The following SCAPER variants were observed in gnomAD, a reference collection of about 807,000 sequenced individuals.
The protein encoded by SCAPER is S-phase cyclin A associated protein in the ER.
SCAPER carries 98 observed loss-of-function variants against 182.2 expected under a neutral mutation model. That is an observed-to-expected ratio of 0.54 (90% CI 0.46 to 0.64). The LOEUF is 0.64. SCAPER is among the 30% of genes least tolerant of loss of function. The pLI is 0.00. For synonymous variants in SCAPER, 605 were observed against 564.6 expected (o/e 1.07, Z -1.01); for missense variants, 1,432 against 1,690.0 (o/e 0.85, Z 2.68).
intron 22 of SCAPER, among the ~76,000 whole-genome samples, chr15:76,585,435 T>C (rs551656152): frequency 1.3e-5 from 2 of 152,312 alleles, no homozygotes; most frequent in East Asian, 1.9e-4. Context: ...TGGAAGATTA[T>C]TGGCAGTGAA....
chr15:76,605,598 G>C (rs1180241011), intron 22 of SCAPER, among the ~76,000 whole-genome samples: 3 of 152,182 alleles, frequency 2.0e-5, no homozygotes, highest in Non-Finnish European at 1.5e-5. Context: ...AGAAGGAATG[G>C]TAGCAGCTCC....
chr15:76,748,607 G>A (rs1348334997), intron 15 of SCAPER, among the ~76,000 whole-genome samples: 1 of 150,532 alleles, frequency 6.6e-6, no homozygotes, highest in African/African-American at 2.5e-5. Context: ...AGTTTCATAA[G>A]GATCTAGTAT....
intron 17 of SCAPER, among the ~76,000 whole-genome samples, chr15:76,713,254 T>A (rs1341428300): frequency 6.6e-6 from 1 of 151,964 alleles, no homozygotes; most frequent in Non-Finnish European, 1.5e-5. Flanking sequence ...AGAAATACCA[T>A]TTGACCCAGC....
chr15:76,567,483 T>C (rs568066046), intron 23 of SCAPER: 134 of 337,336 alleles, frequency 4.0e-4, no homozygotes, highest in Admixed American at 9.5e-4. Flanking sequence ...TAGGCTCAAC[T>C]TATGTTATCA....
intron 17 of SCAPER, among the ~76,000 whole-genome samples, chr15:76,718,246 C>T (rs572544512): frequency 6.6e-6 from 1 of 152,164 alleles, no homozygotes; most frequent in South Asian, 2.1e-4. Context: ...AAACGCAACA[C>T]AGCAAAATCT....
At chr15:76,433,956 C>T in intron 26 of SCAPER, 122 bp downstream of exon 26, 1 of 755,938 alleles carries the variant, frequency 1.3e-6, no homozygotes, top group Non-Finnish European at 2.1e-6. Flanking sequence ...TTGGTATTCT[C>T]TACCAGGAAT....
At chr15:76,523,140 C>CTA (rs1880042547) in intron 23 of SCAPER, among the ~76,000 whole-genome samples, 1 of 151,766 alleles carries the variant, frequency 6.6e-6, no homozygotes, top group Admixed American at 6.6e-5. Flanking sequence ...TTGCTTTAAC[C>CTA]AATCATGATA....
chr15:76,672,574 T>A (rs763203860), intron 20 of SCAPER, among the ~76,000 whole-genome samples: 3 of 151,582 alleles, frequency 2.0e-5, no homozygotes, highest in African/African-American at 7.3e-5. Flanking sequence ...ATTTAAGGAA[T>A]AAAAACAAAA....
At chr15:76,625,889 T>C (rs2052527764) in intron 21 of SCAPER, among the ~76,000 whole-genome samples, 4 of 152,064 alleles carry the variant, frequency 2.6e-5, no homozygotes, top group Admixed American at 2.6e-4. Flanking sequence ...TATCTGGCTT[T>C]AGGTCAGGGT....
chr15:76,349,730 A>T (rs1267766239), intron 31 of SCAPER: 2 of 151,934 alleles, frequency 1.3e-5, no homozygotes, highest in Non-Finnish European at 2.9e-5. Context: ...CAAAGGAGAG[A>T]CCAATTCCCC....
intron 21 of SCAPER, among the ~76,000 whole-genome samples, chr15:76,654,213 T>G (rs1343870340): frequency 8.5e-5 from 13 of 152,052 alleles, no homozygotes; most frequent in Non-Finnish European, 1.6e-4. Flanking sequence ...CCATCCTGGC[T>G]AACACGGTAA....
At chr15:76,619,108 G>T (rs1372670307) in intron 22 of SCAPER, among the ~76,000 whole-genome samples, 1 of 152,200 alleles carries the variant, frequency 6.6e-6, no homozygotes, top group Non-Finnish European at 1.5e-5. Context: ...CATTCCCAAA[G>T]TGCTGGGATT....
chr15:76,887,165 A>T (rs1475425172), intron 1 of SCAPER, among the ~76,000 whole-genome samples: 1 of 152,220 alleles, frequency 6.6e-6, no homozygotes, highest in Non-Finnish European at 1.5e-5. Context: ...AAAGTTTCAA[A>T]AAAAGAAAGT....
intron 17 of SCAPER, among the ~76,000 whole-genome samples, chr15:76,722,802 T>C (rs1304405780): frequency 6.6e-6 from 1 of 152,190 alleles, no homozygotes; most frequent in African/African-American, 2.4e-5. Context: ...ATTATGCCTA[T>C]TTGATTCTTC....
intron 17 of SCAPER, among the ~76,000 whole-genome samples, chr15:76,717,868 G>A (rs1000913940): frequency 6.6e-6 from 1 of 152,050 alleles, no homozygotes; most frequent in Non-Finnish European, 1.5e-5. Flanking sequence ...ATACCCCACT[G>A]TCAACAATAG....
chr15:76,625,379 G>A (rs1030634344), intron 21 of SCAPER, among the ~76,000 whole-genome samples: 1 of 152,156 alleles, frequency 6.6e-6, no homozygotes, highest in South Asian at 2.1e-4. Flanking sequence ...CAGGTTCAGC[G>A]GCCCACAGGG....
chr15:76,752,715 G>A (rs2062167156), intron 15 of SCAPER, among the ~76,000 whole-genome samples: 1 of 151,648 alleles, frequency 6.6e-6, no homozygotes, highest in African/African-American at 2.4e-5. Context: ...GATTGCCAGG[G>A]GCTGGGGGTG....
At chr15:76,729,075 C>G (rs1371148995) in intron 16 of SCAPER, among the ~76,000 whole-genome samples, 3 of 152,024 alleles carry the variant, frequency 2.0e-5, no homozygotes, top group Admixed American at 2.0e-4. Context: ...AGAGACTGGC[C>G]TAGCCTACCA....
chr15:76,784,186 C>T (rs2064395756), intron 8 of SCAPER, among the ~76,000 whole-genome samples: 2 of 152,130 alleles, frequency 1.3e-5, no homozygotes, highest in South Asian at 2.1e-4. Flanking sequence ...TTCAGCAAAG[C>T]CTCAGGATAT....
Sources: allele counts gnomAD v4.1 joint callset (sites outside exome capture counted in the v4.1 genomes callset), GRCh38; gene constraint gnomAD v4.1.1; transcripts MANE v1.5; gene names NCBI Gene and HGNC (gene_info 2026-07-23, HGNC 2026-07-21).